Variants in DIPK1A observed in about 807,000 individuals in gnomAD.
The protein encoded by DIPK1A is family with sequence similarity 69 member A.
Under a neutral mutation model 40.8 loss-of-function variants are expected in DIPK1A, and 27 were observed. The observed-to-expected ratio is 0.66, with a 90% confidence interval of 0.49 to 0.91. The LOEUF is 0.91. Ranked by LOEUF, DIPK1A falls within the 40% of genes least tolerant of loss-of-function variation. The probability of loss-of-function intolerance (pLI) is 0.00; values close to 1 mark genes in which losing one functional copy is unlikely to be tolerated. For missense variants in DIPK1A, 412 were observed against 505.7 expected (o/e 0.81, Z 1.78); for synonymous variants, 166 against 171.3 (o/e 0.97, Z 0.24).
chr1:92,835,328 A>G, intron 4 of DIPK1A: 1 of 297,400 alleles, frequency 3.4e-6, no homozygotes, highest in Non-Finnish European at 6.6e-6. Context: ...TTTTGATAGT[A>G]TGTACCAAGT....
At chr1:92,845,640 GA>G (rs1687576787) in intron 4 of DIPK1A, 1 of 224,246 alleles carries the variant, frequency 4.5e-6, no homozygotes, top group Non-Finnish European at 8.9e-6. Context: ...AGGAGTTCGA[GA>G]CCAGCCTGGC....
chr1:92,859,075 C>T (rs1688081857), intron 2 of DIPK1A, among the ~76,000 whole-genome samples: 1 of 152,116 alleles, frequency 6.6e-6, no homozygotes, highest in South Asian at 2.1e-4. Flanking sequence ...CGAAACCCAC[C>T]CGAGTTGAAT....
intron 1 of DIPK1A, among the ~76,000 whole-genome samples, chr1:92,880,846 G>A (rs2100783812): frequency 6.7e-6 from 1 of 149,968 alleles, no homozygotes; most frequent in South Asian, 2.1e-4. Context: ...CTCCAGCCTG[G>A]GCAACAGAGC....
At chr1:92,887,093 T>C (rs1297014278) in intron 1 of DIPK1A, among the ~76,000 whole-genome samples, 1 of 151,848 alleles carries the variant, frequency 6.6e-6, no homozygotes, top group African/African-American at 2.4e-5. Context: ...TAGTCAATGT[T>C]TGCTAAGTGC....
At chr1:92,861,863 C>T (rs1209911568) in intron 2 of DIPK1A, among the ~76,000 whole-genome samples, 1 of 151,606 alleles carries the variant, frequency 6.6e-6, no homozygotes, top group Non-Finnish European at 1.5e-5. Flanking sequence ...ACTGTAGCCT[C>T]GACCTCCCTG....
chr1:92,915,639 G>T (rs980031511), intron 1 of DIPK1A, among the ~76,000 whole-genome samples: 1 of 152,154 alleles, frequency 6.6e-6, no homozygotes, highest in African/African-American at 2.4e-5. Flanking sequence ...GATGTCAAAA[G>T]ATCATCTGGG....
intron 4 of DIPK1A, chr1:92,833,763 C>A: frequency 1.2e-6 from 1 of 857,156 alleles, no homozygotes; most frequent in Non-Finnish European, 1.9e-6. Context: ...CTAGCACCTC[C>A]AAAAGCATCC....
chr1:92,878,799 C>A (rs1648245780), intron 1 of DIPK1A, among the ~76,000 whole-genome samples: 1 of 148,158 alleles, frequency 6.7e-6, no homozygotes. Flanking sequence ...CCAGCCTGGG[C>A]GACAGCGAGA....
At chr1:92,938,419 G>A (rs1017669173) in intron 1 of DIPK1A, among the ~76,000 whole-genome samples, 1 of 146,168 alleles carries the variant, frequency 6.8e-6, no homozygotes, top group African/African-American at 2.5e-5. Flanking sequence ...GCAATGAGCT[G>A]TGATCACACC....
intron 1 of DIPK1A, among the ~76,000 whole-genome samples, chr1:92,924,779 TC>T: frequency 6.6e-6 from 1 of 152,344 alleles, no homozygotes; most frequent in South Asian, 2.1e-4. Flanking sequence ...TTTGCTCATA[TC>T]CTGCATTCAT....
At chr1:92,918,313 C>T (rs1046449570) in intron 1 of DIPK1A, among the ~76,000 whole-genome samples, 12 of 152,076 alleles carry the variant, frequency 7.9e-5, no homozygotes, top group Admixed American at 6.5e-5. Flanking sequence ...TCATGTCTGG[C>T]TAAGTTTTGT....
intron 1 of DIPK1A, among the ~76,000 whole-genome samples, chr1:92,943,671 C>A (rs188544560): frequency 1.5e-4 from 23 of 152,330 alleles, no homozygotes; most frequent in African/African-American, 5.3e-4. Flanking sequence ...GCACGAGGGA[C>A]CCCAGAGCCC....
At chr1:92,857,067 G>A (rs779813469) in intron 2 of DIPK1A, among the ~76,000 whole-genome samples, 3 of 152,136 alleles carry the variant, frequency 2.0e-5, no homozygotes, top group Non-Finnish European at 4.4e-5. Context: ...TTAAAGTTTA[G>A]ATATATGCAA....
At chr1:92,932,616 T>G (rs559506140) in intron 1 of DIPK1A, 1 of 152,312 alleles carries the variant, frequency 6.6e-6, no homozygotes, top group South Asian at 2.1e-4. Context: ...CCTTTTGTAG[T>G]CATTTTAAGA....
intron 2 of DIPK1A, among the ~76,000 whole-genome samples, chr1:92,872,951 C>T (rs1647943470): frequency 6.6e-6 from 1 of 152,194 alleles, no homozygotes; most frequent in South Asian, 2.1e-4. Context: ...GGATAACTGG[C>T]TGTATGCATG....
intron 1 of DIPK1A, among the ~76,000 whole-genome samples, chr1:92,936,859 T>G (rs563679665): frequency 1.3e-5 from 2 of 152,328 alleles, no homozygotes; most frequent in South Asian, 4.1e-4. Flanking sequence ...AAATCAACTG[T>G]AAAAACAACT....
intron 2 of DIPK1A, among the ~76,000 whole-genome samples, chr1:92,875,986 T>A (rs964922108): frequency 1.1e-4 from 17 of 150,680 alleles, no homozygotes; most frequent in Admixed American, 7.9e-4. Flanking sequence ...ATTAAAAAAC[T>A]CATCTGATTG....
At chr1:92,915,083 CAAAAAAAAAAA>C (rs10583235) in intron 1 of DIPK1A, among the ~76,000 whole-genome samples, 2 of 80,080 alleles carry the variant, frequency 2.5e-5, no homozygotes, top group African/African-American at 1.1e-4. Flanking sequence ...GCAAGACTGT[CAAAAAAAAAAA>C]AAAAAAAAAA....
chr1:92,882,167 C>T (rs965648109), intron 1 of DIPK1A, among the ~76,000 whole-genome samples: 1 of 152,192 alleles, frequency 6.6e-6, no homozygotes, highest in African/African-American at 2.4e-5. Flanking sequence ...GTGGGCAGAT[C>T]ACCTGAGGTC....
Sources: allele counts gnomAD v4.1 joint callset (sites outside exome capture counted in the v4.1 genomes callset), GRCh38; gene constraint gnomAD v4.1.1; transcripts MANE v1.5; gene names NCBI Gene and HGNC (gene_info 2026-07-23, HGNC 2026-07-21).